The following REC114 variants were observed in gnomAD, a reference collection of about 807,000 sequenced individuals.
The protein encoded by REC114 is REC114 meiotic recombination protein.
REC114 carries 27 observed loss-of-function variants against 31.3 expected under a neutral mutation model. The ratio of observed to expected loss-of-function variants is 0.86; its 90% CI spans 0.64 to 1.19. REC114 has a LOEUF of 1.19. Ranked by LOEUF, REC114 falls within the 50% of genes most tolerant of loss-of-function variation. The pLI, the probability that REC114 is intolerant of heterozygous loss-of-function variation, is 0.00. For missense variants in REC114, 344 were observed against 326.9 expected (o/e 1.05, Z -0.40); for synonymous variants, 134 against 127.7 (o/e 1.05, Z -0.33).
At chr15:73,512,917 T>C (rs1398446659) in intron 2 of REC114, among the ~76,000 whole-genome samples, 3 of 151,800 alleles carry the variant, frequency 2.0e-5, no homozygotes, top group Non-Finnish European at 2.9e-5. Context: ...CTGACAATTA[T>C]GTGCCTTGGA....
intron 2 of REC114, among the ~76,000 whole-genome samples, chr15:73,500,022 T>C (rs975326906): frequency 1.3e-5 from 2 of 150,504 alleles, no homozygotes; most frequent in African/African-American, 5.0e-5. Context: ...TTTGCAAATT[T>C]TTCAACCATG....
chr15:73,461,922 CTTTTTTTT>C (rs961387922), intron 1 of REC114, among the ~76,000 whole-genome samples: 133 of 78,206 alleles, frequency 1.7e-3, no homozygotes, highest in African/African-American at 4.8e-3. Context: ...TTTTTCTTTT[CTTTTTTTT>C]TTTTTTTTTT....
At chr15:73,529,908 AAATAT>A (rs1396849703) in intron 2 of REC114, among the ~76,000 whole-genome samples, 1 of 152,208 alleles carries the variant, frequency 6.6e-6, no homozygotes, top group Non-Finnish European at 1.5e-5. Flanking sequence ...CTTCTGGAAC[AAATAT>A]AATAACTTTT....
Position 73,556,328 on chromosome 15 carries a change from AGT to A in REC114, c.580_581del (p.Val194AsnfsTer31), listed in dbSNP as rs1416358185. The stretch of plus-strand genomic sequence containing the variant: ...CCCACCAGCACTCAGAACAACAGCA[AGT>A]GTGTGTAACAGCGGGCACAGGCGCT... The part of the protein sequence containing the change: ...GSHQHSEQQQ[V>X]CVTAGTGAPD... On this transcript the variant is annotated frameshift_variant, in exon 5 of 6. Transcript: ENST00000331090. LOFTEE classifies it high-confidence loss of function. The A allele has an allele frequency of 3.1e-6, 5 of 1,613,806 alleles. No individual in the cohort carries two copies. The Admixed American group carries it at 6.7e-5, about 22-fold the overall frequency.
chr15:73,524,790 G>A (rs978384500), intron 2 of REC114, among the ~76,000 whole-genome samples: 2 of 152,072 alleles, frequency 1.3e-5, no homozygotes, highest in Non-Finnish European at 2.9e-5. Context: ...ATAGAAATGG[G>A]GTTTTGCCAT....
chr15:73,518,920 C>T (rs191771115), intron 2 of REC114, among the ~76,000 whole-genome samples: 8 of 152,208 alleles, frequency 5.3e-5, no homozygotes, highest in South Asian at 2.1e-4. Flanking sequence ...GTGCTGCTAC[C>T]GTGGGGCTGA....
At chr15:73,525,137 C>A (rs982237458) in intron 2 of REC114, among the ~76,000 whole-genome samples, 1 of 152,152 alleles carries the variant, frequency 6.6e-6, no homozygotes, top group South Asian at 2.1e-4. Flanking sequence ...TGCTTGTTGA[C>A]TTGCTGGAGG....
At chr15:73,494,153 C>T (rs1595869413) in intron 2 of REC114, among the ~76,000 whole-genome samples, 1 of 152,290 alleles carries the variant, frequency 6.6e-6, no homozygotes, top group African/African-American at 2.4e-5. Context: ...ATATGAATGG[C>T]ATCTAGTCCT....
chr15:73,484,758 A>G (rs1272794891), intron 2 of REC114, among the ~76,000 whole-genome samples: 1 of 152,210 alleles, frequency 6.6e-6, no homozygotes, highest in African/African-American at 2.4e-5. Flanking sequence ...AGATATAATT[A>G]TGCCTGAAAC....
chr15:73,540,334 A>G, intron 2 of REC114, 151 bp from the exon 3 acceptor site: 1 of 696,658 alleles, frequency 1.4e-6, no homozygotes, highest in Non-Finnish European at 2.6e-6. Context: ...TATAAGGGTC[A>G]TCCTTGGCAA....
intron 3 of REC114, among the ~76,000 whole-genome samples, chr15:73,545,704 C>T (rs188155554): frequency 7.9e-5 from 12 of 152,138 alleles, no homozygotes; most frequent in African/African-American, 1.7e-4. Flanking sequence ...TTATTATATA[C>T]ATTCACATAT....
intron 2 of REC114, among the ~76,000 whole-genome samples, chr15:73,530,437 A>G (rs12148353): frequency 0.37 from 56,589 of 151,956 alleles, 11,654 homozygotes; most frequent in Admixed American, 0.46. Context: ...CCAGGCTGGA[A>G]GATTGCTTGC....
intron 1 of REC114, among the ~76,000 whole-genome samples, chr15:73,457,502 A>G (rs549408549): frequency 7.9e-5 from 12 of 152,236 alleles, no homozygotes; most frequent in East Asian, 1.9e-4. Context: ...CCTCAACTCA[A>G]TTATCACCAG....
At chr15:73,498,684 C>T (rs989548563) in intron 2 of REC114, among the ~76,000 whole-genome samples, 23 of 151,988 alleles carry the variant, frequency 1.5e-4, no homozygotes, top group African/African-American at 5.3e-4. Context: ...ATGAATATTA[C>T]CAAATAAAGG....
rs142486660 is a variant in REC114 at position 73,457,321 on chromosome 15, C to T, written c.159+13977C>T. Among the ~76,000 whole-genome samples, 406 of 152,222 alleles carry T rather than the reference C, an allele frequency of 2.7e-3. 2 individuals carry two copies. Among genetic ancestry groups the T allele is most frequent in the African/African-American group, 9.4e-3 (391 of 41,540 alleles). On this transcript the variant is annotated intron_variant, in intron 1 of 5. Coordinates refer to ENST00000331090, the MANE Select transcript of REC114 (RefSeq NM_001042367.2). ...TTCTTTCAGGTGGTCCTTTCCCCACCCTCTGGCAGTTTCCTTACGCATATA... is the reference window on the plus strand; with the variant it reads ...TTCTTTCAGGTGGTCCTTTCCCCACTCTCTGGCAGTTTCCTTACGCATATA...
intron 1 of REC114, among the ~76,000 whole-genome samples, chr15:73,468,248 C>T (rs1893087740): frequency 6.6e-6 from 1 of 152,142 alleles, no homozygotes; most frequent in Admixed American, 6.5e-5. Flanking sequence ...AAATATTTCT[C>T]TCCATATATT....
chr15:73,549,676 T>C (rs1381635213), intron 3 of REC114, among the ~76,000 whole-genome samples: 3 of 152,138 alleles, frequency 2.0e-5, no homozygotes, highest in African/African-American at 7.2e-5. Flanking sequence ...CACCCACAGA[T>C]ATATATGACT....
chr15:73,543,276 CAG>C (rs200507288), intron 3 of REC114, among the ~76,000 whole-genome samples: 1,577 of 152,244 alleles, frequency 0.01, 26 homozygotes, highest in African/African-American at 0.036. Context: ...ACTGTATGCA[CAG>C]ACTTTTTAAA....
intron 2 of REC114, among the ~76,000 whole-genome samples, chr15:73,498,842 C>T (rs1298624931): frequency 2.0e-5 from 3 of 152,036 alleles, no homozygotes; most frequent in East Asian, 1.9e-4. Context: ...TAAAAGTGAA[C>T]GTTAGGCGTT....
Sources: allele counts gnomAD v4.1 joint callset (sites outside exome capture counted in the v4.1 genomes callset), GRCh38; gene constraint gnomAD v4.1.1; transcripts MANE v1.5; gene names NCBI Gene and HGNC (gene_info 2026-07-23, HGNC 2026-07-21).